The following SEMA3D variants were observed in gnomAD, a reference collection of about 807,000 sequenced individuals.
SEMA3D encodes semaphorin-3D.
In SEMA3D, 84 loss-of-function variants were observed where a neutral mutation model predicts 100.1. The observed-to-expected ratio is 0.84, with a 90% CI of 0.70 to 1.01. SEMA3D has a LOEUF of 1.01. Ranked by LOEUF, SEMA3D falls within the 50% of genes least tolerant of loss-of-function variation. The probability of loss-of-function intolerance (pLI) is 0.00; values close to 1 mark genes in which losing one functional copy is unlikely to be tolerated. For synonymous variants in SEMA3D, 312 were observed against 320.7 expected (o/e 0.97, Z 0.29); for missense variants, 875 against 934.1 (o/e 0.94, Z 0.82).
In SEMA3D at chr7:85,006,949, G is replaced by A; in HGVS notation, c.1769-8C>T. 1 of 1,606,698 alleles carries A rather than the reference G, an allele frequency of 6.2e-7. No homozygotes were observed. Among genetic ancestry groups the A allele is most frequent in the South Asian group, 1.1e-5 (1 of 90,422 alleles). On this transcript the variant is annotated splice_polypyrimidine_tract_variant and splice_region_variant and intron_variant, in intron 17 of 18. Coordinates refer to ENST00000284136, the MANE Select transcript of SEMA3D (RefSeq NM_001384900.1). Reference sequence around the variant, plus strand: ...CAGTTTCATGACTAATGCCTGGAAAGCAAACATGGAATAAGAGATTAACCT... The same window carrying A: ...CAGTTTCATGACTAATGCCTGGAAAACAAACATGGAATAAGAGATTAACCT...
At chr7:85,065,857 C>T (rs1205912921) in intron 7 of SEMA3D, among the ~76,000 whole-genome samples, 1 of 152,108 alleles carries the variant, frequency 6.6e-6, no homozygotes, top group Non-Finnish European at 1.5e-5. Flanking sequence ...CTTCTCCCCA[C>T]AAATAATTCA....
At chr7:85,191,150 G>T (rs1006107560), upstream of SEMA3D, among the ~76,000 whole-genome samples, 1 of 152,098 alleles carries the variant, frequency 6.6e-6, no homozygotes. Context: ...ACACAGTCCA[G>T]CCTCTTTGGC....
At chr7:85,042,383 T>C in intron 9 of SEMA3D, 98 bp from the exon 10 acceptor site, 2 of 825,356 alleles carry the variant, frequency 2.4e-6, no homozygotes, top group Non-Finnish European at 2.0e-6. Context: ...ATTGATGTCA[T>C]TGTTTACAAA....
intron 3 of SEMA3D, among the ~76,000 whole-genome samples, chr7:85,102,244 T>C (rs902672919): frequency 1.3e-5 from 2 of 151,774 alleles, no homozygotes; most frequent in African/African-American, 4.8e-5. Flanking sequence ...TAAAGAAAAA[T>C]TTGTTCCAGG....
chr7:85,077,061 G>C (rs1331485110), intron 5 of SEMA3D, among the ~76,000 whole-genome samples: 1 of 148,868 alleles, frequency 6.7e-6, no homozygotes, highest in Non-Finnish European at 1.5e-5. Context: ...AGCCGAGATT[G>C]CGCCACTGCA....
chr7:85,115,524 T>C (rs1350392871), intron 3 of SEMA3D, among the ~76,000 whole-genome samples: 2 of 152,192 alleles, frequency 1.3e-5, no homozygotes, highest in Non-Finnish European at 1.5e-5. Flanking sequence ...AACCGGAGTT[T>C]CCCTTTTTAT....
chr7:85,033,048 T>C (rs1790588615), intron 12 of SEMA3D, among the ~76,000 whole-genome samples: 1 of 152,070 alleles, frequency 6.6e-6, no homozygotes, highest in African/African-American at 2.4e-5. Flanking sequence ...TGAGAAAAAA[T>C]TGAGTAATAA....
chr7:85,016,286 C>T (rs1398157891), intron 15 of SEMA3D, among the ~76,000 whole-genome samples: 6 of 144,612 alleles, frequency 4.1e-5, no homozygotes, highest in East Asian at 2.0e-4. Flanking sequence ...GTTGGGTTTC[C>T]GTCTTTTTGC....
intron 11 of SEMA3D, among the ~76,000 whole-genome samples, chr7:85,038,429 T>C (rs1790763797): frequency 6.6e-6 from 1 of 152,208 alleles, no homozygotes; most frequent in Non-Finnish European, 1.5e-5. Flanking sequence ...TTAATGGCAT[T>C]GCCATTATTG....
At chr7:85,137,657 T>C (rs1789907481) in intron 2 of SEMA3D, among the ~76,000 whole-genome samples, 1 of 152,138 alleles carries the variant, frequency 6.6e-6, no homozygotes, top group South Asian at 2.1e-4. Context: ...TAATTTGTTT[T>C]CTGTGCTTGT....
At chr7:85,243,776 A>G in the SEMA3D span, among the ~76,000 whole-genome samples, 1 of 152,200 alleles carries the variant, frequency 6.6e-6, no homozygotes, top group Non-Finnish European at 1.5e-5. Context: ...AACTCATTAT[A>G]TTGGAAAGTA....
intron 3 of SEMA3D, among the ~76,000 whole-genome samples, chr7:85,115,471 G>C (rs1789211736): frequency 6.6e-6 from 1 of 152,134 alleles, no homozygotes; most frequent in African/African-American, 2.4e-5. Flanking sequence ...CATTACCCAC[G>C]TTTGTCAATG....
intron 1 of SEMA3D, among the ~76,000 whole-genome samples, chr7:85,155,058 T>A (rs1012354981): frequency 3.3e-5 from 5 of 152,138 alleles, no homozygotes; most frequent in African/African-American, 7.2e-5. Context: ...TTTTCAAACA[T>A]CTTATTATAA....
chr7:85,058,345 C>A (rs1430540178), intron 8 of SEMA3D, among the ~76,000 whole-genome samples: 3 of 152,070 alleles, frequency 2.0e-5, no homozygotes, highest in African/African-American at 7.2e-5. Flanking sequence ...GGCCCTCTTT[C>A]AAATTGTTAG....
At chr7:85,147,834 ATTATT>A (rs1234332501) in intron 2 of SEMA3D, among the ~76,000 whole-genome samples, 1 of 152,122 alleles carries the variant, frequency 6.6e-6, no homozygotes, top group East Asian at 1.9e-4. Context: ...TACCCTTCCT[ATTATT>A]TCCTAACAGC....
intron 2 of SEMA3D, among the ~76,000 whole-genome samples, chr7:85,132,235 C>A (rs1789744017): frequency 6.6e-6 from 1 of 151,638 alleles, no homozygotes; most frequent in Non-Finnish European, 1.5e-5. Context: ...CATAGCAAAA[C>A]TTTCATAAAT....
At chr7:85,013,517 A>G (rs1460616581) in intron 16 of SEMA3D, among the ~76,000 whole-genome samples, 1 of 151,776 alleles carries the variant, frequency 6.6e-6, no homozygotes, top group East Asian at 1.9e-4. Context: ...TTTTATTAAA[A>G]AAAATCCCTG....
intron 1 of SEMA3D, chr7:85,157,658 G>T: frequency 2.0e-6 from 2 of 983,174 alleles, no homozygotes; most frequent in Non-Finnish European, 2.4e-6. Flanking sequence ...CATCAACATT[G>T]TTTGGGGAGA....
At chr7:85,172,159 T>C (rs931554432) in intron 1 of SEMA3D, among the ~76,000 whole-genome samples, 2 of 152,002 alleles carry the variant, frequency 1.3e-5, no homozygotes, top group Non-Finnish European at 2.9e-5. Context: ...TGTAGAGTGA[T>C]TATTTAGAAA....
Sources: gnomAD v4.1 joint callset for allele counts (sites outside exome capture counted in the v4.1 genomes callset) on GRCh38, gnomAD v4.1.1 for gene constraint, MANE v1.5 for transcripts, NCBI Gene and HGNC (gene_info 2026-07-23, HGNC 2026-07-21) for gene names.